Variants in FLT4 observed in about 807,000 individuals in gnomAD.
The protein encoded by FLT4 is vascular endothelial growth factor receptor 3.
FLT4 carries 30 observed loss-of-function variants against 163.2 expected under a neutral mutation model. The observed-to-expected ratio is 0.18, with a 90% confidence interval of 0.14 to 0.25. The LOEUF (loss-of-function observed/expected upper bound fraction) is 0.25. Ranked by LOEUF, FLT4 falls within the 10% of genes least tolerant of loss-of-function variation. The pLI, the probability that FLT4 is intolerant of heterozygous loss-of-function variation, is 1.00. For missense variants in FLT4, 1,510 were observed against 1,863.8 expected (o/e 0.81, Z 3.50); for synonymous variants, 884 against 789.5 (o/e 1.12, Z -2.01).
At position 180,621,268 on chromosome 5, in the gene FLT4, G is replaced by A. The variant is rs1271912206; in HGVS notation, c.2021-16C>T. 5.0e-6 allele frequency: 8 copies of A among 1,609,958 alleles called. No homozygotes were observed. The Admixed American group carries it at 8.3e-5, about 17-fold the overall frequency. ...GCTTCCAGGGCTGGGGGCAGGGGTC[G>A]AGAGGGAGCTAAGTGGAGCTGCACT... On this transcript the variant is annotated splice_polypyrimidine_tract_variant and intron_variant, in intron 13 of 29. Transcript: ENST00000261937.
intron 5 of FLT4, 49 bp from the exon 6 acceptor site, chr5:180,629,884 ACT>A (rs1303138517): frequency 6.2e-7 from 1 of 1,612,400 alleles, no homozygotes; most frequent in African/African-American, 1.3e-5. Context: ...GACGACACCC[ACT>A]GAGGCCAGTG....
At chr5:180,645,453 C>A (rs1765445020) in intron 1 of FLT4, among the ~76,000 whole-genome samples, 1 of 152,206 alleles carries the variant, frequency 6.6e-6, no homozygotes, top group Non-Finnish European at 1.5e-5. Flanking sequence ...GCAGAGGTGG[C>A]CCCCCAGTGC....
Position 180,620,736 on chromosome 5 carries a change from C to G in FLT4, c.2300-21G>C. 1 of 1,521,268 alleles carries G rather than the reference C, an allele frequency of 6.6e-7. No homozygotes were observed. Among genetic ancestry groups the G allele is most frequent in the Non-Finnish European group, 9.1e-7 (1 of 1,099,556 alleles). The allele number at this position is 1,521,268 out of a possible 1,614,324, so 94.2% of individuals were successfully genotyped here. On this transcript the variant is annotated intron_variant, in intron 15 of 29. Transcript: ENST00000261937. The surrounding 1 kb of genome is among the most constrained non-coding windows in gnomAD (Gnocchi z 4.4). ...GGAGCCTGCGTGGGCAGAAAGGGGC[C>G]GGCGTGTGTGTGTGTGTGTGTAAGA... is the stretch of plus-strand genomic sequence containing the variant.
At chr5:180,647,682 G>C (rs1765550779) in intron 1 of FLT4, among the ~76,000 whole-genome samples, 1 of 151,940 alleles carries the variant, frequency 6.6e-6, no homozygotes, top group Non-Finnish European at 1.5e-5. Flanking sequence ...AGCCTAGCAG[G>C]GGGTACAGCA....
At chr5:180,637,385 C>T (rs888400112) in intron 1 of FLT4, among the ~76,000 whole-genome samples, 2 of 151,918 alleles carry the variant, frequency 1.3e-5, no homozygotes, top group Non-Finnish European at 2.9e-5. Flanking sequence ...TCCTACATCC[C>T]AAAACCCACA....
At chr5:180,622,934 C>CT (rs1015036854) in intron 11 of FLT4, 95 bp from the exon 12 acceptor site, 5 of 789,114 alleles carry the variant, frequency 6.3e-6, no homozygotes, top group Admixed American at 4.0e-5. Context: ...CACCACCCCC[C>CT]CCAATCATGG....
chr5:180,633,055 C>T (rs746297741), intron 1 of FLT4, among the ~76,000 whole-genome samples: 5 of 152,134 alleles, frequency 3.3e-5, no homozygotes, highest in Non-Finnish European at 7.4e-5. Context: ...CTCCCTGAGG[C>T]CCCAGGGTCC....
Position 180,617,030 on chromosome 5 carries a change from T to C in FLT4, c.3002-36A>G, listed in dbSNP as rs767276815. 2.0e-6 allele frequency: 3 copies of C among 1,494,390 alleles called. No homozygotes were observed. The Admixed American group carries it at 5.0e-5, about 25-fold the overall frequency. The allele number at this position is 1,494,390 out of a possible 1,614,324, so 92.6% of individuals were successfully genotyped here. A position where few individuals can be genotyped will look rare whatever the true frequency, so the allele number is the denominator to read the frequency against. On this transcript the variant is annotated intron_variant, in intron 21 of 29. Coordinates refer to ENST00000261937, the MANE Select transcript of FLT4 (RefSeq NM_182925.5). Reference sequence around the variant, plus strand: ...GAGCCAGGTGGGCTCAGGAGGCGCCTCCTCCGCGGCCTCCATCTACCCAGC... The same window carrying C: ...GAGCCAGGTGGGCTCAGGAGGCGCCCCCTCCGCGGCCTCCATCTACCCAGC...
intron 29 of FLT4, among the ~76,000 whole-genome samples, chr5:180,606,898 A>AC (rs1465089218): frequency 6.9e-5 from 2 of 29,122 alleles, no homozygotes; most frequent in Admixed American, 5.4e-4. Context: ...TCTACTAAAA[A>AC]AAAAAAAAAA....
chr5:180,608,017 ACT>A (rs1761896406), intron 29 of FLT4: 5 of 689,342 alleles, frequency 7.3e-6, no homozygotes, highest in Admixed American at 2.0e-5. Flanking sequence ...GTCAGGGAAC[ACT>A]CTGCTCCACC....
intron 22 of FLT4, 68 bp from the exon 23 acceptor site, chr5:180,616,557 C>T (rs1384109100): frequency 5.7e-6 from 9 of 1,584,284 alleles, no homozygotes; most frequent in Non-Finnish European, 6.9e-6. Context: ...ACACCCGAAA[C>T]TCCAGGGTGC....
intron 23 of FLT4, among the ~76,000 whole-genome samples, chr5:180,615,078 A>G (rs1423895339): frequency 6.6e-6 from 1 of 152,182 alleles, no homozygotes; most frequent in African/African-American, 2.4e-5. Context: ...GTCAGGACCC[A>G]CCGCACGGAG....
chr5:180,646,381 C>T (rs558666685), intron 1 of FLT4, among the ~76,000 whole-genome samples: 64 of 152,260 alleles, frequency 4.2e-4, no homozygotes, highest in African/African-American at 1.4e-3. Context: ...GCATCTCCAG[C>T]CTCGTTTCCC....
At chr5:180,639,700 C>G (rs1042728139) in intron 1 of FLT4, among the ~76,000 whole-genome samples, 7 of 152,188 alleles carry the variant, frequency 4.6e-5, no homozygotes, top group Admixed American at 3.9e-4. Flanking sequence ...GGATGGGCTC[C>G]CTGGGCAGAT....
At chr5:180,640,038 C>T (rs536171023) in intron 1 of FLT4, among the ~76,000 whole-genome samples, 29 of 152,352 alleles carry the variant, frequency 1.9e-4, no homozygotes, top group Non-Finnish European at 3.2e-4. Flanking sequence ...AGCCCCAGGA[C>T]ACCCTCCGTC....
At chr5:180,647,683 G>A (rs368643204) in intron 1 of FLT4, among the ~76,000 whole-genome samples, 1 of 151,958 alleles carries the variant, frequency 6.6e-6, no homozygotes, top group African/African-American at 2.4e-5. Flanking sequence ...GCCTAGCAGG[G>A]GGTACAGCAA....
chr5:180,603,797 G>A (rs1009442467), intron 29 of FLT4, among the ~76,000 whole-genome samples: 4 of 152,006 alleles, frequency 2.6e-5, no homozygotes, highest in East Asian at 1.9e-4. Context: ...CCAGCTACTC[G>A]GGAGGCTGAG....
At chr5:180,629,155 G>T in intron 7 of FLT4, 104 bp downstream of exon 7, 1 of 1,503,764 alleles carries the variant, frequency 6.6e-7, no homozygotes, top group Non-Finnish European at 9.2e-7. Flanking sequence ...TCCTCTGCTC[G>T]TGGCCCTCCC....
At chr5:180,608,912 C>A (rs1761960182) in intron 29 of FLT4, 56 bp downstream of exon 29, 1 of 1,464,624 alleles carries the variant, frequency 6.8e-7, no homozygotes, top group Non-Finnish European at 9.6e-7. Flanking sequence ...AGCCTCCCTC[C>A]TCCAGGGGAG....
Sources: allele counts gnomAD v4.1 joint callset (sites outside exome capture counted in the v4.1 genomes callset), GRCh38; gene constraint gnomAD v4.1.1; non-coding constraint Gnocchi (gnomAD v3.1); transcripts MANE v1.5; gene names NCBI Gene and HGNC (gene_info 2026-07-23, HGNC 2026-07-21).